TENM2: variants seen among roughly 807,000 people sequenced by gnomAD.
The protein encoded by TENM2 is teneurin transmembrane protein 2, also known as teneurin-2.
TENM2 carries 52 observed loss-of-function variants against 245.2 expected under a neutral mutation model. The observed-to-expected ratio is 0.21, with a 90% CI of 0.17 to 0.27. TENM2 has a LOEUF of 0.27. Among genes scored for constraint, TENM2 ranks in the 10% least tolerant of loss-of-function variants. The pLI is 1.00. For synonymous variants in TENM2, 1,363 were observed against 1,438.9 expected (o/e 0.95, Z 1.19); for missense variants, 3,046 against 3,666.8 (o/e 0.83, Z 4.37).
At chr5:167,814,547 A>T (rs1766893194) in intron 2 of TENM2, among the ~76,000 whole-genome samples, 1 of 151,516 alleles carries the variant, frequency 6.6e-6, no homozygotes. Flanking sequence ...TTCCAAATGC[A>T]TATATGGGTG....
chr5:167,463,147 T>C (rs1766429628), intron 2 of TENM2, among the ~76,000 whole-genome samples: 3 of 152,208 alleles, frequency 2.0e-5, no homozygotes, highest in Non-Finnish European at 4.4e-5. Context: ...CCTAGTTCAG[T>C]ATCTACAGAT....
chr5:167,524,275 C>A (rs1770959726), intron 2 of TENM2, among the ~76,000 whole-genome samples: 3 of 152,054 alleles, frequency 2.0e-5, no homozygotes, highest in Non-Finnish European at 4.4e-5. Context: ...TCATAAACAC[C>A]AATTTTCTCA....
chr5:167,952,905 A>G, intron 4 of TENM2, 83 bp downstream of exon 6: 1 of 1,170,804 alleles, frequency 8.5e-7, no homozygotes, highest in Non-Finnish European at 1.2e-6. Flanking sequence ...GGTGTCTCAG[A>G]GTTCCAGTCG....
intron 2 of TENM2, among the ~76,000 whole-genome samples, chr5:167,423,664 C>T (rs1763642779): frequency 6.6e-6 from 1 of 152,150 alleles, no homozygotes; most frequent in Non-Finnish European, 1.5e-5. Context: ...ACGTTGGGCA[C>T]CCTGGAAAAC....
At chr5:167,815,242 T>C (rs1480881829) in intron 2 of TENM2, among the ~76,000 whole-genome samples, 1 of 152,098 alleles carries the variant, frequency 6.6e-6, no homozygotes, top group Non-Finnish European at 1.5e-5. Flanking sequence ...CAGAGAAGGA[T>C]TCACCTCAAA....
At chr5:167,101,857 A>G in the TENM2 span, among the ~76,000 whole-genome samples, 1 of 124,760 alleles carries the variant, frequency 8.0e-6, no homozygotes, top group Non-Finnish European at 1.7e-5. Context: ...ATTTATATAT[A>G]TATATATATA....
chr5:168,117,259 C>G (rs959240424), intron 9 of TENM2, among the ~76,000 whole-genome samples: 2 of 152,204 alleles, frequency 1.3e-5, no homozygotes, highest in Non-Finnish European at 2.9e-5. Flanking sequence ...ATGCCTTCAG[C>G]CTGCCTGCTC....
intron 2 of TENM2, among the ~76,000 whole-genome samples, chr5:167,763,876 A>AT (rs1561753554): frequency 6.7e-6 from 1 of 149,240 alleles, no homozygotes; most frequent in Admixed American, 6.7e-5. Flanking sequence ...TCTTTCTTTG[A>AT]TTTTTTCAAC....
At chr5:167,650,410 T>G (rs566759543) in intron 2 of TENM2, among the ~76,000 whole-genome samples, 3 of 152,166 alleles carry the variant, frequency 2.0e-5, no homozygotes, top group Admixed American at 6.5e-5. Flanking sequence ...TCAGCTAAGG[T>G]TCTTAGGAAA....
At chr5:167,492,408 A>G (rs1163296913) in intron 2 of TENM2, among the ~76,000 whole-genome samples, 2 of 152,130 alleles carry the variant, frequency 1.3e-5, no homozygotes, top group Non-Finnish European at 2.9e-5. Flanking sequence ...TCTGGCAAGG[A>G]TACAATAAGA....
In TENM2 at chr5:167,485,431, A is replaced by T. The variant is rs574073186; in HGVS notation, c.502+109958A>T. On this transcript the variant is annotated intron_variant, in intron 2 of 28. Coordinates refer to ENST00000518659, the Ensembl canonical transcript of TENM2. Reference sequence around the variant, plus strand: ...GAGATGATTTAATACACAATTACATAAAAAATGAAATTAACGTGTCTTTAA... The same window carrying T: ...GAGATGATTTAATACACAATTACATTAAAAATGAAATTAACGTGTCTTTAA... 2.0e-5 allele frequency among the ~76,000 whole-genome samples: 3 copies of T among 152,342 alleles called. No individual in the cohort carries two copies. The South Asian group carries it at 6.2e-4, about 32-fold the overall frequency.
In TENM2 at chr5:168,037,538, C is replaced by CTTTTTTTT. The variant is rs35253311; in HGVS notation, c.1187-9881_1187-9874dup. Among the ~76,000 whole-genome samples the CTTTTTTTT allele has an allele frequency of 1.2e-3, 159 of 135,600 alleles. 1 individual carries two copies. The highest frequency in any genetic ancestry group is 4.3e-3 in the African/African-American group (152 of 35,438). 89.0% of individuals were successfully genotyped at this position (135,600 alleles called of 152,430 possible). On this transcript the variant is annotated intron_variant, in intron 5 of 28. Transcript: ENST00000518659. The stretch of plus-strand genomic sequence containing the variant: ...TAGGATCAGAAAGGACCATAATGGT[C>CTTTTTTTT]TTTTTTTTTTTTTTTGGCTAATTTT...
chr5:167,699,103 C>T (rs766702161), intron 2 of TENM2, among the ~76,000 whole-genome samples: 6 of 152,058 alleles, frequency 3.9e-5, no homozygotes, highest in Non-Finnish European at 5.9e-5. Flanking sequence ...ATAAGACAGC[C>T]ATATCTTTTG....
At chr5:167,459,729 C>T (rs1438858279) in intron 2 of TENM2, among the ~76,000 whole-genome samples, 1 of 152,104 alleles carries the variant, frequency 6.6e-6, no homozygotes, top group Non-Finnish European at 1.5e-5. Context: ...AATGGGTGTG[C>T]AGTGACAAAT....
chr5:167,875,871 ATTTC>A (rs1296466750), intron 2 of TENM2, 111 bp from the exon 5 acceptor site: 1 of 666,078 alleles, frequency 1.5e-6, no homozygotes, highest in Non-Finnish European at 2.5e-6. Flanking sequence ...GGAGCAGTTC[ATTTC>A]TTTTTTTTTT....
chr5:166,989,468 G>A, the TENM2 span, among the ~76,000 whole-genome samples: 5 of 151,574 alleles, frequency 3.3e-5, no homozygotes, highest in Non-Finnish European at 5.9e-5. Flanking sequence ...CCATGTTCTC[G>A]ATCTCCTGAC....
the TENM2 span, among the ~76,000 whole-genome samples, chr5:167,235,600 C>G: frequency 6.6e-6 from 1 of 152,188 alleles, no homozygotes; most frequent in Non-Finnish European, 1.5e-5. Context: ...GTCTCTCCAT[C>G]TGTCTGTTCT....
At chr5:167,474,358 G>T (rs1428934756) in intron 2 of TENM2, among the ~76,000 whole-genome samples, 1 of 152,096 alleles carries the variant, frequency 6.6e-6, no homozygotes, top group African/African-American at 2.4e-5. Flanking sequence ...ACCTCAGTCT[G>T]AGGGTTTGGG....
chr5:167,021,184 T>C, the TENM2 span, among the ~76,000 whole-genome samples: 2 of 152,166 alleles, frequency 1.3e-5, no homozygotes, highest in African/African-American at 4.8e-5. Flanking sequence ...CTTTTCACTT[T>C]AAGATGCAAA....
Sources: gnomAD v4.1 joint callset for allele counts (sites outside exome capture counted in the v4.1 genomes callset) on GRCh38, gnomAD v4.1.1 for gene constraint, MANE v1.5 for transcripts, NCBI Gene and HGNC (gene_info 2026-07-23, HGNC 2026-07-21) for gene names.